The following TRIP12 variants were observed in gnomAD, a reference collection of about 807,000 sequenced individuals.
The protein encoded by TRIP12 is thyroid hormone receptor interactor 12.
In TRIP12, 25 loss-of-function variants were observed where a neutral mutation model predicts 244.2. The ratio of observed to expected loss-of-function variants is 0.10; its 90% confidence interval spans 0.07 to 0.14. The LOEUF (loss-of-function observed/expected upper bound fraction) is 0.14, where lower values mean the gene tolerates loss of function less well. Ranked by LOEUF, TRIP12 falls within the 10% of genes least tolerant of loss-of-function variation. The probability of loss-of-function intolerance (pLI) is 1.00; values close to 1 mark genes in which losing one functional copy is unlikely to be tolerated. For missense variants in TRIP12, 1,677 were observed against 2,486.4 expected, an observed-to-expected ratio of 0.67 and a Z score of 6.92; for synonymous variants, 905 against 873.1, an observed-to-expected ratio of 1.04 and a Z score of -0.64.
chr2:229,797,644 TG>T (rs2043150552), intron 24 of TRIP12, 45 bp downstream of exon 24: 4 of 1,601,554 alleles, frequency 2.5e-6, no homozygotes, highest in Non-Finnish European at 3.4e-6. Flanking sequence ...CAGGAGATGC[TG>T]GGAAGAGACT....
intron 1 of TRIP12, among the ~76,000 whole-genome samples, 171 bp from the exon 2 acceptor site, chr2:229,880,299 T>A (rs1215868207): frequency 6.6e-6 from 1 of 152,252 alleles, no homozygotes; most frequent in Non-Finnish European, 1.5e-5. Context: ...GATCAACGTG[T>A]TAACAAAATG....
chr2:229,867,632 GTA>G (rs1170306063), intron 2 of TRIP12, among the ~76,000 whole-genome samples: 1 of 152,124 alleles, frequency 6.6e-6, no homozygotes, highest in African/African-American at 2.4e-5. Flanking sequence ...AGAATCATTT[GTA>G]TATATATTTT....
At chr2:229,922,366 C>T (rs944749339), upstream of TRIP12, 33 of 745,990 alleles carry the variant, frequency 4.4e-5, no homozygotes, top group Middle Eastern at 3.8e-4. Context: ...TCCCTAAGAC[C>T]CTTGGAAGAG....
chr2:229,787,345 A>C (rs1034351317), intron 33 of TRIP12, among the ~76,000 whole-genome samples, 160 bp downstream of exon 33: 1 of 152,204 alleles, frequency 6.6e-6, no homozygotes, highest in Non-Finnish European at 1.5e-5. Flanking sequence ...AATAAGGAAG[A>C]ATCACAGCCC....
chr2:229,849,298 G>A (rs1395837594), intron 4 of TRIP12, among the ~76,000 whole-genome samples: 1 of 152,204 alleles, frequency 6.6e-6, no homozygotes, highest in African/African-American at 2.4e-5. Flanking sequence ...ACATTTAGAT[G>A]TTCACGATAC....
intron 13 of TRIP12, among the ~76,000 whole-genome samples, chr2:229,813,595 C>A (rs750377799): frequency 6.6e-6 from 1 of 151,916 alleles, no homozygotes; most frequent in East Asian, 1.9e-4. Context: ...ACCAGCCTGG[C>A]CAACATAGCA....
In TRIP12 at chr2:229,778,845, A is replaced by G. The variant is rs769873336; in HGVS notation, c.5209+31T>C. ...GAGTCCATTACCTGATCTGAGTAAC[A>G]CAAACCAACTAACTTACAGATAGGC... On this transcript the variant is annotated intron_variant, in intron 35 of 41. Coordinates refer to ENST00000675903, the MANE Select transcript of TRIP12 (RefSeq NM_001348323.3). This position sits in a 1 kb window ranked among gnomAD's most constrained non-coding sequence, Gnocchi z 4.1. 6.9e-6 allele frequency: 11 copies of G among 1,597,046 alleles called. No homozygotes were observed. In the South Asian group the frequency reaches 1.2e-4, roughly 18 times the overall value.
chr2:229,813,947 A>G lies in TRIP12; in HGVS notation c.1909T>C (p.Cys637Arg). The change falls in exon 13 of 42, where the codon TGC becomes CGC. Residue 637 changes from cysteine (C) to arginine (R), a missense_variant. Physicochemically the swap from Cys to Arg is radical, Grantham distance 180 (BLOSUM62 -3). Transcript: ENST00000675903. ...AATTCATCTGGCGTGATACTCTGGC[A>G]GCAATTAGCTGCAATTGCTAATGCA... ...RNALAIAANCCQSITPDEFHF... is the reference protein window; with the variant it reads ...RNALAIAANCRQSITPDEFHF... 6.2e-7 allele frequency: 1 copy of G among 1,600,138 alleles called. No homozygotes were observed. Among genetic ancestry groups the G allele is most frequent in the Non-Finnish European group, 8.6e-7 (1 of 1,169,170 alleles).
At chr2:229,809,926 C>T (rs566948288) in intron 15 of TRIP12, among the ~76,000 whole-genome samples, 1 of 152,336 alleles carries the variant, frequency 6.6e-6, no homozygotes, top group African/African-American at 2.4e-5. Context: ...ACCACTCAGA[C>T]AGAGTGGGAC....
chr2:229,807,600 A>C, intron 17 of TRIP12, 108 bp downstream of exon 17: 3 of 1,344,282 alleles, frequency 2.2e-6, no homozygotes, highest in Non-Finnish European at 2.1e-6. Flanking sequence ...ATCTTGAGTT[A>C]ATTCAAAATC....
intron 14 of TRIP12, 32 bp downstream of exon 14, chr2:229,811,104 C>G (rs201274667): frequency 1.6e-4 from 264 of 1,613,708 alleles, no homozygotes; most frequent in Non-Finnish European, 8.5e-6. Flanking sequence ...TCAACAACCT[C>G]ATAAAAATAC....
intron 27 of TRIP12, 79 bp downstream of exon 27, chr2:229,792,894 A>G: frequency 7.1e-7 from 1 of 1,401,528 alleles, no homozygotes; most frequent in East Asian, 2.4e-5. Context: ...TTAAACAGAG[A>G]AATAATGTAT....
chr2:229,917,875 TG>T (rs1209067810), intron 1 of TRIP12, among the ~76,000 whole-genome samples: 1 of 152,168 alleles, frequency 6.6e-6, no homozygotes, highest in African/African-American at 2.4e-5. Context: ...TTTTCTTTTT[TG>T]TGGAGACAGT....
In TRIP12 at chr2:229,808,306, A is replaced by G. The variant is rs2046386604; in HGVS notation, c.2285T>C (p.Ile762Thr). The change falls in exon 16 of 42, where the codon ATT becomes ACT. Residue 762 changes from isoleucine to threonine, a missense_variant. Physicochemically the swap from Ile to Thr is moderately conservative, Grantham distance 89. Around this residue, in one of 11 missense-constraint regions of TRIP12, gnomAD observed 572 missense variants for 867.8 expected, o/e 0.66. Transcript: ENST00000675903. ...GASNGSCQEQ[I>T]DLVPRSPQEL... The stretch of plus-strand genomic sequence containing the variant: ...TTGAGGGCTTCGTGGAACAAGATCA[A>G]TCTGTTCCTGACAACTTCCATTGGA... 1.2e-6 allele frequency: 2 copies of G among 1,613,890 alleles called. No homozygotes were observed. The highest frequency in any genetic ancestry group is 1.7e-6 in the Non-Finnish European group (2 of 1,179,990).
In TRIP12 at chr2:229,767,714, C is replaced by T. The variant is rs762182366; in HGVS notation, c.6044G>A (p.Arg2015Gln). 2 of 1,613,410 alleles carry T rather than the reference C, an allele frequency of 1.2e-6. No homozygotes were observed. The highest frequency in any genetic ancestry group is 1.7e-5 in the Admixed American group (1 of 59,894). Residue 2015 changes from arginine (R) to glutamine (Q), a missense_variant, in exon 42 of 42, where the codon CGA becomes CAA. Around this residue, in one of 11 missense-constraint regions of TRIP12, gnomAD observed 171 missense variants for 388.4 expected, o/e 0.44. Transcript: ENST00000675903. ...RSLNPPLTIV[R>Q]KTFESTENPD... ...GTTTTCTGTTGATTCAAACGTCTTT[C>T]GGACAATTGTCAAAGGTGGATTCAA... is the stretch of plus-strand genomic sequence containing the variant.
At chr2:229,920,626 G>A (rs1188790295) in intron 1 of TRIP12, among the ~76,000 whole-genome samples, 5 of 152,076 alleles carry the variant, frequency 3.3e-5, no homozygotes, top group Non-Finnish European at 5.9e-5. Flanking sequence ...TTGTCTTAAG[G>A]GTTTGGAAGC....
chr2:229,801,515 A>C (rs1395631382), intron 21 of TRIP12, among the ~76,000 whole-genome samples: 3 of 152,228 alleles, frequency 2.0e-5, no homozygotes, highest in Non-Finnish European at 2.9e-5. Flanking sequence ...AGAGTACTGA[A>C]GTGAATACAT....
intron 1 of TRIP12, among the ~76,000 whole-genome samples, chr2:229,885,015 A>G (rs2065724701): frequency 6.6e-6 from 1 of 152,222 alleles, no homozygotes; most frequent in East Asian, 1.9e-4. Flanking sequence ...CACTAGTGAC[A>G]TTCTGTTCAA....
At chr2:229,769,170 C>T in intron 40 of TRIP12, 61 bp downstream of exon 40, 3 of 1,480,284 alleles carry the variant, frequency 2.0e-6, no homozygotes, top group Non-Finnish European at 2.8e-6. Context: ...TGTGTGTACA[C>T]ACACACCCCT....
Sources: gnomAD v4.1 joint callset for allele counts (sites outside exome capture counted in the v4.1 genomes callset) on GRCh38, gnomAD v4.1.1 for gene constraint, gnomAD v4.1.1 regional missense constraint, Gnocchi (gnomAD v3.1) non-coding constraint, MANE v1.5 for transcripts, NCBI Gene and HGNC (gene_info 2026-07-23, HGNC 2026-07-21) for gene names.